DMD: variants seen among roughly 807,000 people sequenced by gnomAD.
The protein encoded by DMD is dystrophin.
DMD carries 63 observed loss-of-function variants against 330.1 expected under a neutral mutation model. The observed-to-expected ratio is 0.19, with a 90% CI of 0.16 to 0.24. DMD has a LOEUF of 0.24. Ranked by LOEUF, DMD falls within the 10% of genes least tolerant of loss-of-function variation. The probability of loss-of-function intolerance (pLI) is 1.00; values close to 1 mark genes in which losing one functional copy is unlikely to be tolerated. For missense variants in DMD, 3,344 were observed against 2,684.1 expected (o/e 1.25, Z -5.43); for synonymous variants, 1,223 against 959.8 (o/e 1.27, Z -5.07).
chrX:32,429,670 G>A (rs1016680485), intron 29 of DMD, among the ~76,000 whole-genome samples: 1 of 107,840 alleles, frequency 9.3e-6, no homozygotes, highest in Non-Finnish European at 1.9e-5. Context: ...TTCTTTGATT[G>A]TTTCCCAGGT....
intron 62 of DMD, among the ~76,000 whole-genome samples, chrX:31,284,825 AACAC>A (rs61401043): frequency 0.052 from 4,755 of 91,389 alleles, 276 homozygotes; most frequent in African/African-American, 0.16. Context: ...TAATGGCTTA[AACAC>A]ACACACACAC....
chrX:32,653,126 G>A (rs754472658), intron 9 of DMD, among the ~76,000 whole-genome samples: 21 of 111,774 alleles, frequency 1.9e-4, no homozygotes, highest in Non-Finnish European at 3.0e-4. Flanking sequence ...CACTATGATG[G>A]TAGTTTCTTT....
At chrX:31,684,409 C>T (rs1311071705) in intron 52 of DMD, among the ~76,000 whole-genome samples, 1 of 111,617 alleles carries the variant, frequency 9.0e-6, no homozygotes, top group African/African-American at 3.3e-5. Flanking sequence ...AACTAACTAC[C>T]TCCTTCTCCT....
chrX:31,951,773 A>G (rs1423531553), intron 45 of DMD, among the ~76,000 whole-genome samples: 2 of 111,438 alleles, frequency 1.8e-5, no homozygotes, highest in South Asian at 3.7e-4. Flanking sequence ...AGTCTTTTAT[A>G]TGTATCTACA....
At chrX:33,302,604 A>G (rs1039709790) in intron 1 of DMD, among the ~76,000 whole-genome samples, 2 of 111,185 alleles carry the variant, frequency 1.8e-5, no homozygotes, top group African/African-American at 6.5e-5. Flanking sequence ...CACATTTTTT[A>G]AAGAACTTAA....
At chrX:32,475,598 T>TTTG (rs1044787388) in intron 21 of DMD, among the ~76,000 whole-genome samples, 11 of 111,282 alleles carry the variant, frequency 9.9e-5, no homozygotes, top group East Asian at 5.6e-4. Flanking sequence ...TCCTAAGTTT[T>TTTG]TTGTTGTTGT....
intron 17 of DMD, among the ~76,000 whole-genome samples, chrX:32,527,562 T>A (rs2047036900): frequency 9.1e-6 from 1 of 109,617 alleles, no homozygotes; most frequent in Non-Finnish European, 1.9e-5. Flanking sequence ...CTTGTCCCTC[T>A]CTGCTTGTTT....
chrX:32,490,452 C>T (rs531421655), intron 20 of DMD, among the ~76,000 whole-genome samples: 1 of 111,279 alleles, frequency 9.0e-6, no homozygotes, highest in Non-Finnish European at 1.9e-5. Context: ...ATCCACTGTC[C>T]GCTCTTCTCC....
At chrX:31,812,042 AT>A (rs200812146) in intron 50 of DMD, among the ~76,000 whole-genome samples, 1,471 of 102,812 alleles carry the variant, frequency 0.014, 4 homozygotes, top group East Asian at 0.06. Context: ...TAAATTAACC[AT>A]TTTTTTTTTT....
intron 17 of DMD, among the ~76,000 whole-genome samples, chrX:32,526,003 G>A (rs962974953): frequency 7.2e-5 from 8 of 111,080 alleles, no homozygotes; most frequent in Non-Finnish European, 1.3e-4. Context: ...TAAAACCATT[G>A]CTAATGAACT....
chrX:32,565,195 C>T (rs2051545443), intron 16 of DMD, among the ~76,000 whole-genome samples: 2 of 111,498 alleles, frequency 1.8e-5, no homozygotes, highest in South Asian at 7.5e-4. Context: ...ATGAAATCAG[C>T]AGTCTATGGC....
At chrX:32,861,389 AC>A (rs1282654517) in intron 2 of DMD, among the ~76,000 whole-genome samples, 1 of 110,786 alleles carries the variant, frequency 9.0e-6, no homozygotes, top group Admixed American at 9.5e-5. Context: ...CTCAATAAAA[AC>A]ATTAAATAAA....
intron 18 of DMD, among the ~76,000 whole-genome samples, chrX:32,511,737 T>C (rs192098319): frequency 3.6e-5 from 4 of 110,566 alleles, no homozygotes; most frequent in African/African-American, 1.3e-4. Context: ...TGTGTTTTTC[T>C]ATAGAGCTGT....
chrX:31,592,875 C>T (rs980579480), intron 55 of DMD, among the ~76,000 whole-genome samples: 13 of 110,639 alleles, frequency 1.2e-4, no homozygotes, highest in Non-Finnish European at 2.5e-4. Flanking sequence ...CGAAAATAAA[C>T]ATATCTTTTC....
intron 13 of DMD, among the ~76,000 whole-genome samples, chrX:32,593,965 G>A (rs1235979856): frequency 3.6e-5 from 4 of 111,901 alleles, no homozygotes; most frequent in East Asian, 2.8e-4. Context: ...TCTAATTATC[G>A]GAGAGCACAC....
rs867697928 is a variant in DMD at position 32,147,645 on chromosome X, T to C, written c.6438+69271A>G. 1.3e-4 allele frequency among the ~76,000 whole-genome samples: 15 copies of C among 111,228 alleles called. No individual in the cohort carries two copies. In the South Asian group the frequency reaches 1.9e-3, roughly 14 times the overall value. ...CATAAAAGAAGTAGTGAACAGGAAT[T>C]TGTGTATGTGTGTATTTTTGTATGT... On this transcript the variant is annotated intron_variant, in intron 44 of 78. Coordinates refer to ENST00000357033, the MANE Select transcript of DMD (RefSeq NM_004006.3).
chrX:31,519,073 T>G (rs2072513502), intron 55 of DMD, among the ~76,000 whole-genome samples: 2 of 112,016 alleles, frequency 1.8e-5, no homozygotes, highest in African/African-American at 6.5e-5. Flanking sequence ...TTTTAAAAAT[T>G]TATCCTTAGT....
intron 45 of DMD, among the ~76,000 whole-genome samples, chrX:31,954,820 G>C (rs1482594854): frequency 9.1e-6 from 1 of 109,486 alleles, no homozygotes; most frequent in East Asian, 2.8e-4. Context: ...AATGGTAAAG[G>C]TATATTTACT....
intron 16 of DMD, among the ~76,000 whole-genome samples, chrX:32,552,736 T>C (rs751772999): frequency 1.0e-3 from 116 of 111,197 alleles, no homozygotes; most frequent in African/African-American, 3.7e-3. Context: ...AAACCAAACA[T>C]CACCATTAAA....
Sources: allele counts gnomAD v4.1 joint callset (sites outside exome capture counted in the v4.1 genomes callset), GRCh38; gene constraint gnomAD v4.1.1; transcripts MANE v1.5; gene names NCBI Gene and HGNC (gene_info 2026-07-23, HGNC 2026-07-21).